CSMD1: variants seen among roughly 807,000 people sequenced by gnomAD.
CSMD1 encodes the protein CUB and sushi domain-containing protein 1.
A neutral mutation model predicts 417.5 loss-of-function variants in CSMD1; 213 were observed. That is an observed-to-expected ratio of 0.51 (90% CI 0.46 to 0.57). The LOEUF is 0.57. Ranked by LOEUF, CSMD1 falls within the 20% of genes least tolerant of loss-of-function variation. The pLI is 0.00. For missense variants in CSMD1, 6,923 were observed against 4,529.7 expected, an observed-to-expected ratio of 1.53 and a Z score of -15.17; for synonymous variants, 2,862 against 1,736.8, an observed-to-expected ratio of 1.65 and a Z score of -16.11.
At chr8:3,883,130 A>T (rs1478540547) in intron 5 of CSMD1, among the ~76,000 whole-genome samples, 1 of 152,210 alleles carries the variant, frequency 6.6e-6, no homozygotes, top group Non-Finnish European at 1.5e-5. Context: ...CAAAATAAAA[A>T]TAACCACATC....
chr8:4,412,205 G>A (rs532318586), intron 3 of CSMD1, among the ~76,000 whole-genome samples: 2 of 152,108 alleles, frequency 1.3e-5, no homozygotes, highest in Admixed American at 6.6e-5. Context: ...ATGTTAAATT[G>A]TAACCCCCAG....
At chr8:4,177,612 A>G (rs1036353905) in intron 3 of CSMD1, among the ~76,000 whole-genome samples, 1 of 150,006 alleles carries the variant, frequency 6.7e-6, no homozygotes, top group African/African-American at 2.5e-5. Flanking sequence ...AGATGCAAAT[A>G]ACCCTTCAAA....
chr8:4,091,849 C>A (rs558989990), intron 3 of CSMD1, among the ~76,000 whole-genome samples: 10 of 152,244 alleles, frequency 6.6e-5, no homozygotes, highest in South Asian at 2.1e-4. Context: ...AATGGAGAAA[C>A]AACAGAATTT....
chr8:3,231,283 C>T (rs1330808071), intron 26 of CSMD1, among the ~76,000 whole-genome samples: 6 of 152,116 alleles, frequency 3.9e-5, no homozygotes, highest in African/African-American at 9.7e-5. Context: ...CTTTCTTCCA[C>T]TCCACTGCAT....
At chr8:4,156,847 CT>C (rs11350908) in intron 3 of CSMD1, among the ~76,000 whole-genome samples, 3,956 of 152,200 alleles carry the variant, frequency 0.026, 173 homozygotes, top group African/African-American at 0.087. Context: ...CACAGGGAGG[CT>C]TTTTAATTTA....
chr8:4,915,865 C>G lies in CSMD1; in HGVS notation c.85+78467G>C, dbSNP rs543111712. Among the ~76,000 whole-genome samples, 326 of 152,286 alleles carry G rather than the reference C, an allele frequency of 2.1e-3. 1 individual carries two copies. Among genetic ancestry groups the G allele is most frequent in the African/African-American group, 7.4e-3 (309 of 41,548 alleles). ...TGGCATCCTGCCTATTTCAAAGTTGCTTAGATCTTTTCAGCAAGCCATAAG... is the reference window on the plus strand; with the variant it reads ...TGGCATCCTGCCTATTTCAAAGTTGGTTAGATCTTTTCAGCAAGCCATAAG... On this transcript the variant is annotated intron_variant, in intron 1 of 69. Transcript: ENST00000635120.
intron 26 of CSMD1, among the ~76,000 whole-genome samples, chr8:3,265,872 G>A (rs563306952): frequency 6.7e-4 from 102 of 152,048 alleles, no homozygotes; most frequent in African/African-American, 2.2e-3. Flanking sequence ...AGAGAAAAGC[G>A]GACTGAGATC....
intron 49 of CSMD1, among the ~76,000 whole-genome samples, chr8:3,071,151 T>G (rs1371977228): frequency 6.6e-6 from 1 of 152,206 alleles, no homozygotes; most frequent in Non-Finnish European, 1.5e-5. Flanking sequence ...TCCACCCGCT[T>G]GATCCAAACA....
chr8:4,146,759 C>G lies in CSMD1; in HGVS notation c.416-114660G>C, dbSNP rs1028001873. ...CCAGAGGAGCTGGGACTACAGGCGC[C>G]CGGCACCAGACTCGACTAATTTTTT... On this transcript the variant is annotated intron_variant, in intron 3 of 69. Coordinates refer to ENST00000635120, the MANE Select transcript of CSMD1 (RefSeq NM_033225.6). 5.3e-4 allele frequency among the ~76,000 whole-genome samples: 79 copies of G among 149,428 alleles called. 3 individuals carry two copies. Among genetic ancestry groups the G allele is most frequent in the African/African-American group, 1.9e-3 (75 of 39,344 alleles).
chr8:3,506,503 A>C (rs1259817293), intron 10 of CSMD1, among the ~76,000 whole-genome samples: 1 of 152,192 alleles, frequency 6.6e-6, no homozygotes, highest in Non-Finnish European at 1.5e-5. Flanking sequence ...CACTCTTCCA[A>C]TAATGCTCTA....
intron 7 of CSMD1, among the ~76,000 whole-genome samples, chr8:3,690,302 C>A (rs1800170676): frequency 6.6e-6 from 1 of 152,188 alleles, no homozygotes. Context: ...GTGGCAGTGA[C>A]CGAAGATCGC....
At chr8:4,021,980 A>T (rs1166994842) in intron 4 of CSMD1, among the ~76,000 whole-genome samples, 1 of 151,830 alleles carries the variant, frequency 6.6e-6, no homozygotes, top group Non-Finnish European at 1.5e-5. Context: ...CTGCCTAGGA[A>T]AGGATAGTTA....
chr8:4,308,607 T>C (rs1253908937), intron 3 of CSMD1, among the ~76,000 whole-genome samples: 1 of 152,186 alleles, frequency 6.6e-6, no homozygotes, highest in Non-Finnish European at 1.5e-5. Flanking sequence ...ATGGAGAGAA[T>C]TTGTTAAGCC....
At chr8:3,454,816 C>G (rs1226332538) in intron 12 of CSMD1, among the ~76,000 whole-genome samples, 1 of 152,136 alleles carries the variant, frequency 6.6e-6, no homozygotes, top group African/African-American at 2.4e-5. Flanking sequence ...CGAGGAGTAT[C>G]TTTGTGGCAT....
intron 3 of CSMD1, among the ~76,000 whole-genome samples, chr8:4,036,817 G>C (rs1252103995): frequency 6.6e-6 from 1 of 152,202 alleles, no homozygotes; most frequent in Non-Finnish European, 1.5e-5. Context: ...AAAATAAATA[G>C]ATTCCTGACC....
intron 12 of CSMD1, among the ~76,000 whole-genome samples, chr8:3,465,669 G>A (rs761127724): frequency 6.6e-6 from 1 of 152,190 alleles, no homozygotes; most frequent in Non-Finnish European, 1.5e-5. Context: ...CTGATTTCTT[G>A]TCAAGGTTGG....
intron 3 of CSMD1, among the ~76,000 whole-genome samples, chr8:4,054,841 C>T (rs1798609075): frequency 6.6e-6 from 1 of 152,130 alleles, no homozygotes; most frequent in African/African-American, 2.4e-5. Context: ...CACAGCAGCC[C>T]ACTGTTTGGA....
chr8:4,146,561 CATT>C (rs1421339503), intron 3 of CSMD1, among the ~76,000 whole-genome samples: 2 of 133,750 alleles, frequency 1.5e-5, no homozygotes, highest in African/African-American at 5.5e-5. Context: ...AAGGAAGCTC[CATT>C]ATTATCTGTC....
intron 12 of CSMD1, among the ~76,000 whole-genome samples, chr8:3,467,360 G>A (rs1299808187): frequency 6.6e-6 from 1 of 152,128 alleles, no homozygotes; most frequent in Non-Finnish European, 1.5e-5. Flanking sequence ...TTCTACCAAA[G>A]GCAGCAGCAA....
Sources: gnomAD v4.1 joint callset for allele counts (sites outside exome capture counted in the v4.1 genomes callset) on GRCh38, gnomAD v4.1.1 for gene constraint, MANE v1.5 for transcripts, NCBI Gene and HGNC (gene_info 2026-07-23, HGNC 2026-07-21) for gene names.